The following ZFHX4 variants were observed in gnomAD, a reference collection of about 807,000 sequenced individuals.
ZFHX4 encodes the protein zinc finger homeobox 4.
Under a neutral mutation model 267.6 loss-of-function variants are expected in ZFHX4, and 56 were observed. The observed-to-expected ratio is 0.21, with a 90% CI of 0.17 to 0.26. The LOEUF (loss-of-function observed/expected upper bound fraction) is 0.26. ZFHX4 is among the 10% of genes least tolerant of loss of function. ZFHX4 has a pLI of 1.00. For missense variants in ZFHX4, 4,332 were observed against 4,420.0 expected (o/e 0.98, Z 0.56); for synonymous variants, 1,778 against 1,665.6 (o/e 1.07, Z -1.64).
intron 4 of ZFHX4, among the ~76,000 whole-genome samples, chr8:76,809,224 G>A (rs994009507): frequency 2.0e-5 from 3 of 151,918 alleles, no homozygotes; most frequent in African/African-American, 4.8e-5. Flanking sequence ...CTTGAATAAC[G>A]CTTGTCTTGG....
At chr8:76,733,968 A>G (rs1809090664) in intron 3 of ZFHX4, among the ~76,000 whole-genome samples, 1 of 152,148 alleles carries the variant, frequency 6.6e-6, no homozygotes, top group Admixed American at 6.6e-5. Context: ...CTATTAGAGG[A>G]TAGAGACAAA....
intron 4 of ZFHX4, among the ~76,000 whole-genome samples, chr8:76,797,859 T>A (rs1811017062): frequency 6.6e-6 from 1 of 151,362 alleles, no homozygotes; most frequent in African/African-American, 2.4e-5. Context: ...CTGGTATAAT[T>A]TGTGGAGTTT....
chr8:76,739,125 T>G (rs1021908937), intron 3 of ZFHX4, among the ~76,000 whole-genome samples: 4 of 152,176 alleles, frequency 2.6e-5, no homozygotes, highest in Admixed American at 6.5e-5. Context: ...CAGCAGTGAC[T>G]AAGGTGCAAG....
intron 3 of ZFHX4, among the ~76,000 whole-genome samples, chr8:76,711,289 A>G (rs1186533328): frequency 1.3e-5 from 2 of 152,206 alleles, no homozygotes; most frequent in Non-Finnish European, 2.9e-5. Context: ...GCTAAGCACT[A>G]CTAAATTTGG....
intron 5 of ZFHX4, among the ~76,000 whole-genome samples, chr8:76,838,646 G>A (rs1812153296): frequency 6.6e-6 from 1 of 152,174 alleles, no homozygotes. Context: ...AACTAAAGAT[G>A]TCTAAGTTAC....
chr8:76,716,041 C>T (rs1808562478), intron 3 of ZFHX4, among the ~76,000 whole-genome samples: 1 of 152,080 alleles, frequency 6.6e-6, no homozygotes, highest in South Asian at 2.1e-4. Flanking sequence ...GAATGCAGGG[C>T]TGAATGTGGG....
At chr8:76,781,388 T>A (rs936159931) in intron 4 of ZFHX4, among the ~76,000 whole-genome samples, 4 of 152,006 alleles carry the variant, frequency 2.6e-5, no homozygotes, top group Non-Finnish European at 5.9e-5. Context: ...AATACATGAG[T>A]AATTAAGTTT....
intron 3 of ZFHX4, among the ~76,000 whole-genome samples, chr8:76,756,513 T>A (rs1353892610): frequency 6.6e-6 from 1 of 152,154 alleles, no homozygotes; most frequent in Non-Finnish European, 1.5e-5. Flanking sequence ...TTAATGAAAT[T>A]TCTGATGTTA....
In ZFHX4 at chr8:76,705,401, G is replaced by A; in HGVS notation, c.1313G>A (p.Ser438Asn). Residue 438 changes from serine to asparagine, a missense_variant, in exon 2 of 11, where the codon AGC becomes AAC. Physicochemically the swap from Ser to Asn is conservative, Grantham distance 46. Around this residue, in one of 7 missense-constraint regions of ZFHX4, gnomAD observed 1,195 missense variants for 1,173.6 expected, o/e 1.02. Coordinates refer to ENST00000651372, the MANE Select transcript of ZFHX4 (RefSeq NM_024721.5). Reference protein sequence around the residue: ...SSSESSKMSESKDQENNCERP... With the variant: ...SSSESSKMSENKDQENNCERP... ...TCTGAGTCTAGCAAGATGTCAGAGAGCAAAGACCAAGAGAACAACTGTGAA... is the reference window on the plus strand; with the variant it reads ...TCTGAGTCTAGCAAGATGTCAGAGAACAAAGACCAAGAGAACAACTGTGAA... 1.9e-6 allele frequency: 3 copies of A among 1,613,852 alleles called. No homozygotes were observed. Among genetic ancestry groups the A allele is most frequent in the African/African-American group, 1.3e-5 (1 of 75,048 alleles).
At chr8:76,703,426 C>G (rs1262626831) in intron 1 of ZFHX4, among the ~76,000 whole-genome samples, 1 of 152,214 alleles carries the variant, frequency 6.6e-6, no homozygotes, top group African/African-American at 2.4e-5. Flanking sequence ...TTAATCAGGG[C>G]CAGCCAGATA....
At chr8:76,787,154 GT>G (rs906360117) in intron 4 of ZFHX4, among the ~76,000 whole-genome samples, 1 of 152,044 alleles carries the variant, frequency 6.6e-6, no homozygotes, top group African/African-American at 2.4e-5. Context: ...TTGGCATACT[GT>G]CACATGAGTC....
chr8:76,788,532 TG>T (rs1356695811), intron 4 of ZFHX4, among the ~76,000 whole-genome samples: 1 of 152,238 alleles, frequency 6.6e-6, no homozygotes, highest in African/African-American at 2.4e-5. Context: ...ACATCATCCG[TG>T]CTGTTCAACT....
chr8:76,701,529 C>A (rs141874998), intron 1 of ZFHX4, among the ~76,000 whole-genome samples: 1,558 of 152,158 alleles, frequency 0.01, 12 homozygotes, highest in Middle Eastern at 0.045. Context: ...AGAAAAAGAT[C>A]GGATCTACTT....
chr8:76,848,816 TAGTC>T (rs1323134927), intron 6 of ZFHX4, among the ~76,000 whole-genome samples, 175 bp from the exon 7 acceptor site: 4 of 152,202 alleles, frequency 2.6e-5, no homozygotes, highest in East Asian at 3.8e-4. Context: ...AAAGTCCACT[TAGTC>T]AGTGGACAAA....
intron 5 of ZFHX4, among the ~76,000 whole-genome samples, chr8:76,834,744 T>A (rs2131894497): frequency 6.6e-6 from 1 of 152,214 alleles, no homozygotes; most frequent in Non-Finnish European, 1.5e-5. Flanking sequence ...AAATTTTAAT[T>A]TTAATGAAAT....
At chr8:76,812,924 A>G (rs999474192) in intron 4 of ZFHX4, among the ~76,000 whole-genome samples, 1 of 152,174 alleles carries the variant, frequency 6.6e-6, no homozygotes, top group Non-Finnish European at 1.5e-5. Flanking sequence ...TCATTAACAT[A>G]TTTGCAAATG....
At chr8:76,736,330 A>C (rs1409732413) in intron 3 of ZFHX4, among the ~76,000 whole-genome samples, 1 of 152,076 alleles carries the variant, frequency 6.6e-6, no homozygotes, top group East Asian at 1.9e-4. Context: ...AAATCAGTAA[A>C]TTGAATTTTT....
chr8:76,832,003 G>GGC (rs1554571766), intron 4 of ZFHX4, among the ~76,000 whole-genome samples: 1 of 33,562 alleles, frequency 3.0e-5, no homozygotes, highest in East Asian at 1.6e-3. Context: ...TTTTTTTAGT[G>GGC]GGGGGGGGCA....
rs949719726 is a variant in ZFHX4 at position 76,725,847 on chromosome 8, C to T, written c.3093+17799C>T. Among the ~76,000 whole-genome samples the T allele has an allele frequency of 7.9e-5, 12 of 152,226 alleles. No individual in the cohort carries two copies. The East Asian group carries it at 1.9e-3, about 25-fold the overall frequency. On this transcript the variant is annotated intron_variant, in intron 3 of 10. Transcript: ENST00000651372. Reference sequence around the variant, plus strand: ...TGCCAGTACAATTGCAAGGACATTTCGAAGTCATAATCTGTTAATACCAGT... The same window carrying T: ...TGCCAGTACAATTGCAAGGACATTTTGAAGTCATAATCTGTTAATACCAGT...
Sources: allele counts gnomAD v4.1 joint callset (sites outside exome capture counted in the v4.1 genomes callset), GRCh38; gene constraint gnomAD v4.1.1; regional missense constraint gnomAD v4.1.1; transcripts MANE v1.5; gene names NCBI Gene and HGNC (gene_info 2026-07-23, HGNC 2026-07-21).